Variants in CEP128 observed in about 807,000 individuals in gnomAD.
CEP128 encodes centrosomal protein 128kDa.
CEP128 carries 132 observed loss-of-function variants against 156.7 expected under a neutral mutation model. The ratio of observed to expected loss-of-function variants is 0.84; its 90% CI spans 0.73 to 0.97. CEP128 has a LOEUF of 0.97. Among genes scored for constraint, CEP128 ranks in the 50% least tolerant of loss-of-function variants. The pLI, the probability that CEP128 is intolerant of heterozygous loss-of-function variation, is 0.00. For missense variants in CEP128, 1,252 were observed against 1,281.9 expected, an observed-to-expected ratio of 0.98 and a Z score of 0.36; for synonymous variants, 469 against 448.9, an observed-to-expected ratio of 1.04 and a Z score of -0.57.
chr14:80,706,721 T>C (rs1348059283), intron 19 of CEP128, among the ~76,000 whole-genome samples: 1 of 152,164 alleles, frequency 6.6e-6, no homozygotes, highest in East Asian at 1.9e-4. Flanking sequence ...TGTCCTCAAA[T>C]ATTCTTTCAG....
At chr14:80,665,981 G>A (rs1895595698) in intron 19 of CEP128, among the ~76,000 whole-genome samples, 1 of 152,166 alleles carries the variant, frequency 6.6e-6, no homozygotes, top group South Asian at 2.1e-4. Flanking sequence ...CCAAAAGAGA[G>A]AAGAGAAAAT....
At chr14:80,548,447 G>A (rs1264347863) in intron 21 of CEP128, among the ~76,000 whole-genome samples, 4 of 151,926 alleles carry the variant, frequency 2.6e-5, no homozygotes, top group East Asian at 1.9e-4. Context: ...AGTGTAATAC[G>A]AATATCTTAT....
At chr14:80,707,548 A>C (rs1433965152) in intron 19 of CEP128, among the ~76,000 whole-genome samples, 1 of 152,142 alleles carries the variant, frequency 6.6e-6, no homozygotes, top group East Asian at 1.9e-4. Context: ...GGTGCTATAG[A>C]TACACTCATT....
intron 2 of CEP128, among the ~76,000 whole-genome samples, chr14:80,930,482 G>T (rs1054855059): frequency 6.6e-6 from 1 of 152,128 alleles, no homozygotes; most frequent in Non-Finnish European, 1.5e-5. Context: ...TTGAAAAGGG[G>T]GAAAGATCCA....
chr14:80,702,229 G>A (rs1897098782), intron 19 of CEP128, among the ~76,000 whole-genome samples: 1 of 152,104 alleles, frequency 6.6e-6, no homozygotes, highest in Non-Finnish European at 1.5e-5. Context: ...TTCGAAAATA[G>A]AGCCTGACAT....
intron 13 of CEP128, among the ~76,000 whole-genome samples, chr14:80,798,810 GTATAA>G (rs1391214995): frequency 1.3e-5 from 2 of 152,146 alleles, no homozygotes; most frequent in Admixed American, 6.5e-5. Context: ...TGGAATGAAC[GTATAA>G]TATAATATAG....
chr14:80,633,860 T>A (rs1894069447), intron 19 of CEP128, among the ~76,000 whole-genome samples: 1 of 152,172 alleles, frequency 6.6e-6, no homozygotes, highest in Non-Finnish European at 1.5e-5. Flanking sequence ...ATTAAAAAAA[T>A]GTGAATCCCT....
chr14:80,829,108 T>A (rs1016729805), intron 13 of CEP128, among the ~76,000 whole-genome samples: 23 of 152,156 alleles, frequency 1.5e-4, no homozygotes, highest in Non-Finnish European at 2.6e-4. Context: ...AAAGGTGCCA[T>A]AAGAACATTA....
At chr14:80,796,276 T>C (rs1005671873) in intron 13 of CEP128, among the ~76,000 whole-genome samples, 1 of 152,084 alleles carries the variant, frequency 6.6e-6, no homozygotes, top group Non-Finnish European at 1.5e-5. Flanking sequence ...CTGGGCAACA[T>C]AGCGAAACTC....
At position 80,677,419 on chromosome 14, in the gene CEP128, G is replaced by A. The variant is rs1344443449; in HGVS notation, c.2806+65656C>T. Among the ~76,000 whole-genome samples the A allele has an allele frequency of 1.4e-5, 2 of 143,014 alleles. 1 individual carries two copies. Among genetic ancestry groups the A allele is most frequent in the Non-Finnish European group, 3.0e-5 (2 of 66,952 alleles). The allele number at this position is 143,014 out of a possible 152,430, so 93.8% of individuals were successfully genotyped here. On this transcript the variant is annotated intron_variant, in intron 19 of 24. Transcript: ENST00000555265. The stretch of plus-strand genomic sequence containing the variant: ...ACCTACTCAGGAGGCTGAGGCAGGA[G>A]AATCACTTGAACAAAGTAGGTGGAG...
At chr14:80,908,938 C>T (rs1884044009) in intron 4 of CEP128, among the ~76,000 whole-genome samples, 2 of 152,066 alleles carry the variant, frequency 1.3e-5, no homozygotes, top group Admixed American at 1.3e-4. Context: ...CACCACTTTG[C>T]CTATACTATC....
intron 19 of CEP128, among the ~76,000 whole-genome samples, chr14:80,608,963 T>A (rs1309221592): frequency 6.6e-6 from 1 of 152,168 alleles, no homozygotes; most frequent in East Asian, 1.9e-4. Flanking sequence ...CTGGAACCAG[T>A]AAACACTTAA....
chr14:80,688,435 T>A (rs950993452), intron 19 of CEP128, among the ~76,000 whole-genome samples: 15 of 152,200 alleles, frequency 9.9e-5, no homozygotes, highest in African/African-American at 2.7e-4. Context: ...CTATTCCGTG[T>A]CCATGTAACA....
At chr14:80,615,139 C>G (rs922221555) in intron 19 of CEP128, among the ~76,000 whole-genome samples, 2 of 152,168 alleles carry the variant, frequency 1.3e-5, no homozygotes, top group South Asian at 4.1e-4. Flanking sequence ...ACCCAAAAAC[C>G]AGATTTTAGA....
chr14:80,801,922 A>C lies in CEP128; in HGVS notation c.1210-8812T>G, dbSNP rs1214915200. ...GACTCTGTCTCCCCAAAAAAAAAAA[A>C]AAAAAAAAAAAAAAAGCTCAACATC... On this transcript the variant is annotated intron_variant, in intron 13 of 24. Transcript: ENST00000555265. Among the ~76,000 whole-genome samples the C allele has an allele frequency of 2.2e-4, 32 of 147,500 alleles. 1 individual carries two copies. Among genetic ancestry groups the C allele is most frequent in the South Asian group, 1.3e-3 (6 of 4,742 alleles).
chr14:80,486,276 A>G (rs1157957616), downstream of CEP128, among the ~76,000 whole-genome samples: 1 of 152,208 alleles, frequency 6.6e-6, no homozygotes, highest in Non-Finnish European at 1.5e-5. Flanking sequence ...TCAGTGATGG[A>G]AGATGAAATG....
intron 18 of CEP128, among the ~76,000 whole-genome samples, chr14:80,754,310 T>G (rs1347159980): frequency 6.6e-6 from 1 of 152,198 alleles, no homozygotes; most frequent in Non-Finnish European, 1.5e-5. Context: ...ATGTTTGCTC[T>G]TTGCTCTTTA....
At chr14:80,596,639 T>C (rs1004483738) in intron 19 of CEP128, among the ~76,000 whole-genome samples, 4 of 151,386 alleles carry the variant, frequency 2.6e-5, no homozygotes, top group African/African-American at 9.7e-5. Context: ...TGAGATCCCT[T>C]CTCTATAAAA....
intron 16 of CEP128, among the ~76,000 whole-genome samples, chr14:80,773,130 G>A (rs565195459): frequency 7.2e-5 from 11 of 152,154 alleles, no homozygotes; most frequent in South Asian, 4.1e-4. Context: ...TCATAATTCC[G>A]CCTAGAATAT....
Sources: gnomAD v4.1 joint callset for allele counts (sites outside exome capture counted in the v4.1 genomes callset) on GRCh38, gnomAD v4.1.1 for gene constraint, MANE v1.5 for transcripts, NCBI Gene and HGNC (gene_info 2026-07-23, HGNC 2026-07-21) for gene names.